The following PPP3R1 variants were observed in gnomAD, a reference collection of about 807,000 sequenced individuals.
The protein encoded by PPP3R1 is calcineurin subunit B type 1.
In PPP3R1, 5 loss-of-function variants were observed where a neutral mutation model predicts 22.6. That is an observed-to-expected ratio of 0.22 (90% CI 0.12 to 0.46). The LOEUF (loss-of-function observed/expected upper bound fraction) is 0.46, where lower values mean the gene tolerates loss of function less well. PPP3R1 is among the 20% of genes least tolerant of loss of function. The pLI, the probability that PPP3R1 is intolerant of heterozygous loss-of-function variation, is 0.99. For missense variants in PPP3R1, 61 were observed against 203.2 expected, an observed-to-expected ratio of 0.30 and a Z score of 4.25; for synonymous variants, 56 against 65.2, an observed-to-expected ratio of 0.86 and a Z score of 0.68.
intron 1 of PPP3R1, among the ~76,000 whole-genome samples, chr2:68,225,975 C>G (rs575321355): frequency 5.3e-5 from 8 of 152,220 alleles, no homozygotes; most frequent in African/African-American, 1.9e-4. Flanking sequence ...CTGTTATATC[C>G]AGACAATGGA....
chr2:68,235,517 A>C (rs1283216540), intron 1 of PPP3R1, among the ~76,000 whole-genome samples: 1 of 152,234 alleles, frequency 6.6e-6, no homozygotes, highest in Non-Finnish European at 1.5e-5. Context: ...AGGTTAATCT[A>C]ATGTGTTGTA....
intron 1 of PPP3R1, among the ~76,000 whole-genome samples, chr2:68,229,973 TACACACAC>T (rs201152385): frequency 0.078 from 11,155 of 143,146 alleles, 663 homozygotes; most frequent in African/African-American, 0.16. Context: ...TATACACACA[TACACACAC>T]ACACACACAC....
intron 2 of PPP3R1, among the ~76,000 whole-genome samples, chr2:68,205,968 G>A (rs1049434823): frequency 2.0e-5 from 3 of 152,020 alleles, no homozygotes; most frequent in African/African-American, 7.2e-5. Context: ...TTAGGGATGC[G>A]CCACCACACT....
intron 2 of PPP3R1, among the ~76,000 whole-genome samples, chr2:68,212,008 T>C (rs374836999): frequency 1.3e-5 from 2 of 152,368 alleles, no homozygotes; most frequent in African/African-American, 4.8e-5. Flanking sequence ...CTCTTGTTTA[T>C]ACTGATATTT....
Position 68,252,022 on chromosome 2 carries a change from C to A in PPP3R1, c.3+103G>T, listed in dbSNP as rs1259385516. 2.5e-6 allele frequency: 3 copies of A among 1,178,358 alleles called. No homozygotes were observed. The East Asian group carries it at 1.2e-4, about 47-fold the overall frequency. 73.0% of individuals were successfully genotyped at this position (1,178,358 alleles called of 1,614,324 possible). Reference sequence around the variant, plus strand: ...CCGGGCCCGGGTCTCTGGAATTTTCCACGGGGGACAGCCGACCGGGGGCGT... The same window carrying A: ...CCGGGCCCGGGTCTCTGGAATTTTCAACGGGGGACAGCCGACCGGGGGCGT... On this transcript the variant is annotated intron_variant, in intron 1 of 5. Coordinates refer to ENST00000234310, the MANE Select transcript of PPP3R1 (RefSeq NM_000945.4).
chr2:68,186,442 G>A lies in PPP3R1; in HGVS notation c.465+26C>T, dbSNP rs78190042. 609 of 1,561,322 alleles carry A rather than the reference G, an allele frequency of 3.9e-4. 3 individuals carry two copies. In the East Asian group the frequency reaches 0.013, roughly 32 times the overall value. Reference sequence around the variant, plus strand: ...AATATGTTGCTGAAACATAACTAACGGAAGAACCAGCTCTTTTGTACTTAC... The same window carrying A: ...AATATGTTGCTGAAACATAACTAACAGAAGAACCAGCTCTTTTGTACTTAC... On this transcript the variant is annotated intron_variant, in intron 5 of 5. Coordinates refer to ENST00000234310, the MANE Select transcript of PPP3R1 (RefSeq NM_000945.4).
At chr2:68,243,164 T>C (rs1452965711) in intron 1 of PPP3R1, among the ~76,000 whole-genome samples, 5 of 152,228 alleles carry the variant, frequency 3.3e-5, no homozygotes, top group Non-Finnish European at 7.3e-5. Flanking sequence ...TAGGAATCTA[T>C]GAATTGTTTA....
intron 1 of PPP3R1, among the ~76,000 whole-genome samples, chr2:68,239,633 T>C (rs1202215015): frequency 6.6e-6 from 1 of 151,912 alleles, no homozygotes; most frequent in African/African-American, 2.4e-5. Context: ...AAAATACGAA[T>C]GAATCATCAG....
intron 1 of PPP3R1, among the ~76,000 whole-genome samples, chr2:68,230,763 G>A (rs1669881514): frequency 6.6e-6 from 1 of 152,178 alleles, no homozygotes; most frequent in East Asian, 1.9e-4. Context: ...ATTCCAGAAG[G>A]GTGTTTTCTC....
chr2:68,222,134 AAC>A (rs1372878463), intron 1 of PPP3R1, among the ~76,000 whole-genome samples: 2 of 152,234 alleles, frequency 1.3e-5, no homozygotes, highest in African/African-American at 4.8e-5. Flanking sequence ...AAGCAAAGAT[AAC>A]ATGTTGTGGG....
chr2:68,229,119 G>A (rs530047561), intron 1 of PPP3R1, among the ~76,000 whole-genome samples: 198 of 152,166 alleles, frequency 1.3e-3, no homozygotes, highest in Non-Finnish European at 2.6e-3. Context: ...CTGGGCTCAA[G>A]TGATCCTCTC....
rs1670049062 is a variant in PPP3R1 at position 68,237,990 on chromosome 2, A to T, written c.3+14135T>A. Among the ~76,000 whole-genome samples the T allele has an allele frequency of 1.3e-5, 2 of 152,204 alleles. 1 individual carries two copies. The highest frequency in any genetic ancestry group is 4.1e-4 in the South Asian group (2 of 4,828). Reference sequence around the variant, plus strand: ...ACCTGACATATAAGTCTCTACTCAGATATGTAACAAGAATTTTGAAGCATA... The same window carrying T: ...ACCTGACATATAAGTCTCTACTCAGTTATGTAACAAGAATTTTGAAGCATA... On this transcript the variant is annotated intron_variant, in intron 1 of 5. Transcript: ENST00000234310.
At chr2:68,217,011 T>TACAC (rs66891931) in intron 2 of PPP3R1, 81 bp downstream of exon 2, 193 of 771,012 alleles carry the variant, frequency 2.5e-4, no homozygotes, top group Admixed American at 4.5e-4. Flanking sequence ...AGAGGTATGA[T>TACAC]ACACACACAC....
At chr2:68,247,694 A>G (rs768074487) in intron 1 of PPP3R1, among the ~76,000 whole-genome samples, 3 of 152,202 alleles carry the variant, frequency 2.0e-5, no homozygotes, top group Non-Finnish European at 4.4e-5. Context: ...TGCTCAACAA[A>G]TATTTGCTGG....
chr2:68,229,120 T>G (rs1293062164), intron 1 of PPP3R1, among the ~76,000 whole-genome samples: 1 of 152,070 alleles, frequency 6.6e-6, no homozygotes, highest in Non-Finnish European at 1.5e-5. Flanking sequence ...TGGGCTCAAG[T>G]GATCCTCTCC....
intron 1 of PPP3R1, among the ~76,000 whole-genome samples, chr2:68,225,818 G>A (rs1199075485): frequency 1.3e-5 from 2 of 152,162 alleles, no homozygotes; most frequent in Non-Finnish European, 2.9e-5. Context: ...CAAAAAAACA[G>A]TGTGTTGGAC....
At chr2:68,244,277 C>A (rs1169855546) in intron 1 of PPP3R1, among the ~76,000 whole-genome samples, 1 of 152,206 alleles carries the variant, frequency 6.6e-6, no homozygotes, top group Non-Finnish European at 1.5e-5. Flanking sequence ...CACTGACCAA[C>A]TGCTGCCTTC....
At chr2:68,230,396 T>C (rs1669872613) in intron 1 of PPP3R1, among the ~76,000 whole-genome samples, 2 of 152,060 alleles carry the variant, frequency 1.3e-5, no homozygotes, top group South Asian at 2.1e-4. Context: ...AGAGCTTCCT[T>C]AGTGGTTGCT....
intron 2 of PPP3R1, among the ~76,000 whole-genome samples, chr2:68,214,569 A>G (rs1669540867): frequency 6.6e-6 from 1 of 152,190 alleles, no homozygotes; most frequent in Non-Finnish European, 1.5e-5. Flanking sequence ...GCAAATCAAA[A>G]CCACAATTAG....
Sources: gnomAD v4.1 joint callset for allele counts (sites outside exome capture counted in the v4.1 genomes callset) on GRCh38, gnomAD v4.1.1 for gene constraint, MANE v1.5 for transcripts, NCBI Gene and HGNC (gene_info 2026-07-23, HGNC 2026-07-21) for gene names.